ARHGEF38: variants seen among roughly 807,000 people sequenced by gnomAD.
The protein encoded by ARHGEF38 is Rho guanine nucleotide exchange factor (GEF) 38.
Under a neutral mutation model 79.9 loss-of-function variants are expected in ARHGEF38, and 79 were observed. The observed-to-expected ratio is 0.99, with a 90% CI of 0.82 to 1.19. The LOEUF (loss-of-function observed/expected upper bound fraction) is 1.19, where lower values mean the gene tolerates loss of function less well. Ranked by LOEUF, ARHGEF38 falls within the 50% of genes most tolerant of loss-of-function variation. The pLI, the probability that ARHGEF38 is intolerant of heterozygous loss-of-function variation, is 0.00. For missense variants in ARHGEF38, 962 were observed against 907.2 expected, an observed-to-expected ratio of 1.06 and a Z score of -0.78; for synonymous variants, 366 against 328.3, an observed-to-expected ratio of 1.11 and a Z score of -1.24.
chr4:105,582,796 C>G (rs960554747), intron 1 of ARHGEF38, among the ~76,000 whole-genome samples: 1 of 152,134 alleles, frequency 6.6e-6, no homozygotes, highest in African/African-American at 2.4e-5. Context: ...AACTCTTTCA[C>G]TTTTTGCTTC....
Position 105,672,409 on chromosome 4 carries a change from C to T in ARHGEF38, c.2148+4706C>T, listed in dbSNP as rs139659919. 5.7e-4 allele frequency among the ~76,000 whole-genome samples: 87 copies of T among 152,298 alleles called. 1 individual carries two copies. The highest frequency in any genetic ancestry group is 9.8e-4 in the Non-Finnish European group (67 of 68,026). ...GCCTTTGTTGAATAATGGGGATGAG[C>T]TAGTGGATATTCACAACCTGGCAGT... On this transcript the variant is annotated intron_variant, in intron 13 of 13. Coordinates refer to ENST00000420470, the MANE Select transcript of ARHGEF38 (RefSeq NM_001242729.2).
At position 105,666,263 on chromosome 4, in the gene ARHGEF38, T is replaced by C. The variant is rs1730746005; in HGVS notation, c.1632T>C (p.Ser544=). ...ATTTGAATTGTGTGAAAGAAAACAG[T>C]GCCACCTTTATTGAGAGGAAACTCA... The part of the protein sequence containing the change: ...IQNLNCVKEN[S]ATFIERKLSF... Residue 544 remains serine (S), a synonymous_variant, in exon 11 of 14, where the codon AGT becomes AGC. Transcript: ENST00000420470. The C allele has an allele frequency of 6.5e-7, 1 of 1,535,346 alleles. No individual in the cohort carries two copies. The highest frequency in any genetic ancestry group is 2.5e-5 in the East Asian group (1 of 40,816).
At chr4:105,577,768 T>C (rs1194945292) in intron 1 of ARHGEF38, among the ~76,000 whole-genome samples, 2 of 152,190 alleles carry the variant, frequency 1.3e-5, no homozygotes, top group Non-Finnish European at 1.5e-5. Context: ...GTGGTGTCAG[T>C]TGTAATGTCT....
At chr4:105,652,391 C>T (rs1401839025) in intron 7 of ARHGEF38, among the ~76,000 whole-genome samples, 1 of 152,124 alleles carries the variant, frequency 6.6e-6, no homozygotes, top group Non-Finnish European at 1.5e-5. Flanking sequence ...TGGAGAGAAT[C>T]ACTTAAATCA....
chr4:105,635,489 C>A (rs747427935), intron 4 of ARHGEF38, among the ~76,000 whole-genome samples: 1 of 151,844 alleles, frequency 6.6e-6, no homozygotes, highest in African/African-American at 2.4e-5. Flanking sequence ...AAAAGAATAA[C>A]CTTCTCTTTC....
chr4:105,594,417 G>T (rs1318247241), intron 2 of ARHGEF38, among the ~76,000 whole-genome samples: 2 of 152,104 alleles, frequency 1.3e-5, no homozygotes, highest in Non-Finnish European at 2.9e-5. Context: ...GATAACTATA[G>T]CAATAATCTG....
downstream of ARHGEF38, among the ~76,000 whole-genome samples, chr4:105,682,223 A>C (rs926315170): frequency 6.6e-6 from 1 of 152,248 alleles, no homozygotes; most frequent in African/African-American, 2.4e-5. Flanking sequence ...AGGAAAATCC[A>C]TTGATATGAG....
chr4:105,595,283 G>T (rs1293936257), intron 2 of ARHGEF38, among the ~76,000 whole-genome samples: 4 of 152,072 alleles, frequency 2.6e-5, no homozygotes, highest in African/African-American at 7.2e-5. Flanking sequence ...TAACAAGAAA[G>T]TTATGTGTAT....
intron 2 of ARHGEF38, among the ~76,000 whole-genome samples, chr4:105,596,798 G>A (rs753077786): frequency 2.0e-5 from 3 of 152,174 alleles, no homozygotes; most frequent in Non-Finnish European, 4.4e-5. Flanking sequence ...TTTTTAGCTG[G>A]TTGGGCATCC....
At chr4:105,661,927 G>A (rs1232649151) in intron 10 of ARHGEF38, among the ~76,000 whole-genome samples, 6 of 151,982 alleles carry the variant, frequency 3.9e-5, no homozygotes, top group South Asian at 2.1e-4. Context: ...AAATAATGCC[G>A]GGGTCATGAT....
chr4:105,647,813 C>T (rs965135939), intron 6 of ARHGEF38, among the ~76,000 whole-genome samples: 1 of 151,810 alleles, frequency 6.6e-6, no homozygotes, highest in African/African-American at 2.4e-5. Context: ...CCCCAAATCT[C>T]TCAGCCAGTG....
chr4:105,600,697 A>G (rs1406529032), intron 2 of ARHGEF38, among the ~76,000 whole-genome samples: 1 of 152,158 alleles, frequency 6.6e-6, no homozygotes, highest in African/African-American at 2.4e-5. Flanking sequence ...TTAATTGTCT[A>G]CAAGCCATCT....
At chr4:105,662,208 CT>C (rs1383324041) in intron 10 of ARHGEF38, among the ~76,000 whole-genome samples, 2 of 152,070 alleles carry the variant, frequency 1.3e-5, no homozygotes, top group African/African-American at 4.8e-5. Context: ...ATTTATCTTC[CT>C]GTGAGTTAGT....
At chr4:105,639,009 G>C (rs1046731322) in intron 5 of ARHGEF38, among the ~76,000 whole-genome samples, 1 of 151,890 alleles carries the variant, frequency 6.6e-6, no homozygotes. Context: ...TTCAAAAAAA[G>C]CTGAGCTAAT....
In ARHGEF38 at chr4:105,552,689, T is replaced by G. The variant is rs1725051494; in HGVS notation, c.-77T>G. 2 of 1,237,760 alleles carry G rather than the reference T, an allele frequency of 1.6e-6. No homozygotes were observed. The highest frequency in any genetic ancestry group is 2.3e-6 in the Non-Finnish European group (2 of 886,710). 76.7% of individuals were successfully genotyped at this position (1,237,760 alleles called of 1,614,324 possible). ...GGAGCAGATAAACTCGTCACTCTAG[T>G]AGCTTTAACCCTCACCCTGAGGCAC... On this transcript the variant is annotated 5_prime_UTR_variant, in exon 1 of 14. Coordinates refer to ENST00000420470, the MANE Select transcript of ARHGEF38 (RefSeq NM_001242729.2).
At chr4:105,676,524 T>C (rs920244874) in intron 13 of ARHGEF38, among the ~76,000 whole-genome samples, 20 of 152,324 alleles carry the variant, frequency 1.3e-4, no homozygotes, top group African/African-American at 4.6e-4. Flanking sequence ...GAATAAATAT[T>C]GCTTAAATAA....
chr4:105,637,634 T>A (rs914093288), intron 5 of ARHGEF38, among the ~76,000 whole-genome samples: 11 of 152,278 alleles, frequency 7.2e-5, no homozygotes, highest in African/African-American at 2.6e-4. Flanking sequence ...GAGCTTTGCA[T>A]AACTGAGTGG....
intron 2 of ARHGEF38, among the ~76,000 whole-genome samples, chr4:105,612,591 GGGAATTATTTTGAACAAGA>G: frequency 6.6e-6 from 1 of 152,058 alleles, no homozygotes; most frequent in East Asian, 1.9e-4. Flanking sequence ...TTAAACTAAA[GGGAATTATTTTGAACAAGA>G]TTCATCAAAA....
At chr4:105,583,808 T>A (rs2110444979) in intron 1 of ARHGEF38, among the ~76,000 whole-genome samples, 1 of 152,290 alleles carries the variant, frequency 6.6e-6, no homozygotes, top group East Asian at 1.9e-4. Flanking sequence ...TAATTTCAGA[T>A]CTCAAATCCA....
Sources: gnomAD v4.1 joint callset for allele counts (sites outside exome capture counted in the v4.1 genomes callset) on GRCh38, gnomAD v4.1.1 for gene constraint, MANE v1.5 for transcripts, NCBI Gene and HGNC (gene_info 2026-07-23, HGNC 2026-07-21) for gene names.